Variants in MEMO1 observed in about 807,000 individuals in gnomAD.
The protein encoded by MEMO1 is protein MEMO1.
MEMO1 carries 6 observed loss-of-function variants against 45.2 expected under a neutral mutation model. The observed-to-expected ratio is 0.13, with a 90% CI of 0.07 to 0.26. The LOEUF (loss-of-function observed/expected upper bound fraction) is 0.26, where lower values mean the gene tolerates loss of function less well. Ranked by LOEUF, MEMO1 falls within the 10% of genes least tolerant of loss-of-function variation. The probability of loss-of-function intolerance (pLI) is 1.00; values close to 1 mark genes in which losing one functional copy is unlikely to be tolerated. For missense variants in MEMO1, 184 were observed against 370.5 expected (o/e 0.50, Z 4.13); for synonymous variants, 78 against 124.3 (o/e 0.63, Z 2.48).
chr2:31,904,247 G>C (rs938655381), intron 6 of MEMO1, among the ~76,000 whole-genome samples: 1 of 152,188 alleles, frequency 6.6e-6, no homozygotes, highest in Non-Finnish European at 1.5e-5. Flanking sequence ...TATTACTTAT[G>C]TTGATAAGGC....
rs1675298248 is a variant in MEMO1, at chr2:31,881,128, TTAGC to T, written c.657+2254_657+2257del. On this transcript the variant is annotated intron_variant, in intron 8 of 9. Transcript: ENST00000404530. ...GTAGGATCAACATCTACTGTACTCC[TTAGC>T]TAGGTAAGAATATAATTATATTTAA... is the stretch of plus-strand genomic sequence containing the variant. Among the ~76,000 whole-genome samples, 5 of 152,224 alleles carry T rather than the reference TTAGC, an allele frequency of 3.3e-5. No homozygotes were observed. In the South Asian group the frequency reaches 1.0e-3, roughly 32 times the overall value.
intron 8 of MEMO1, among the ~76,000 whole-genome samples, chr2:31,874,430 G>A (rs1415370056): frequency 1.3e-5 from 2 of 151,968 alleles, no homozygotes; most frequent in African/African-American, 2.4e-5. Flanking sequence ...TCGGTAGTTT[G>A]TTCTCCTATA....
At chr2:31,980,363 T>C (rs1231971887) in intron 2 of MEMO1, among the ~76,000 whole-genome samples, 1 of 151,964 alleles carries the variant, frequency 6.6e-6, no homozygotes, top group Admixed American at 6.6e-5. Flanking sequence ...AACCCAGGAG[T>C]TGGAGGCTGC....
intron 2 of MEMO1, among the ~76,000 whole-genome samples, chr2:31,990,486 C>T (rs1558559880): frequency 6.6e-6 from 1 of 150,860 alleles, no homozygotes; most frequent in Non-Finnish European, 1.5e-5. Flanking sequence ...AGGTCTGGCT[C>T]TGTCACCCAG....
chr2:31,993,522 G>A (rs1205655101), intron 2 of MEMO1, among the ~76,000 whole-genome samples: 1 of 152,194 alleles, frequency 6.6e-6, no homozygotes, highest in Non-Finnish European at 1.5e-5. Flanking sequence ...ACTGAAGTTT[G>A]AGAAGGCTAG....
At chr2:31,881,864 C>T (rs1675433495) in intron 8 of MEMO1, among the ~76,000 whole-genome samples, 1 of 152,128 alleles carries the variant, frequency 6.6e-6, no homozygotes, top group African/African-American at 2.4e-5. Flanking sequence ...AAGAAAAAAG[C>T]TGGGTGCGGT....
chr2:31,978,208 C>G (rs890195724), intron 2 of MEMO1, among the ~76,000 whole-genome samples: 2 of 151,870 alleles, frequency 1.3e-5, no homozygotes. Flanking sequence ...CCAACATGGT[C>G]AAACTCCATC....
At chr2:31,881,487 C>G (rs1175941487) in intron 8 of MEMO1, among the ~76,000 whole-genome samples, 1 of 112,592 alleles carries the variant, frequency 8.9e-6, no homozygotes, top group Non-Finnish European at 1.7e-5. Context: ...AGAGTGAGAG[C>G]CTGTCTTTAA....
intron 6 of MEMO1, among the ~76,000 whole-genome samples, chr2:31,900,879 A>C (rs1196275518): frequency 6.6e-6 from 1 of 152,156 alleles, no homozygotes; most frequent in East Asian, 1.9e-4. Context: ...GTCACTTTGG[A>C]AAACACTTTG....
chr2:31,978,929 A>T (rs1670324130), intron 2 of MEMO1, among the ~76,000 whole-genome samples: 1 of 152,172 alleles, frequency 6.6e-6, no homozygotes, highest in African/African-American at 2.4e-5. Flanking sequence ...ACATTTTCCC[A>T]GATTTTACCA....
chr2:31,951,917 T>C lies in MEMO1; in HGVS notation c.62-8534A>G, dbSNP rs921962070. The stretch of plus-strand genomic sequence containing the variant: ...CTAATGCTCTACTATGATCACACAC[T>C]TGGAATTTATTGCTATGCTTTTTAC... On this transcript the variant is annotated intron_variant, in intron 2 of 9. Coordinates refer to ENST00000404530, the MANE Select transcript of MEMO1 (RefSeq NM_001301833.4). Among the ~76,000 whole-genome samples, 6 of 152,250 alleles carry C rather than the reference T, an allele frequency of 3.9e-5. No homozygotes were observed. In the East Asian group the frequency reaches 1.2e-3, roughly 29 times the overall value.
At chr2:31,902,716 A>C (rs192718408) in intron 6 of MEMO1, among the ~76,000 whole-genome samples, 181 of 152,232 alleles carry the variant, frequency 1.2e-3, no homozygotes, top group Non-Finnish European at 2.2e-3. Flanking sequence ...GCTGAAATCC[A>C]AGAACCTCCC....
At chr2:31,943,225 A>G (rs994540724) in intron 3 of MEMO1, 77 bp downstream of exon 3, 1 of 1,056,418 alleles carries the variant, frequency 9.5e-7, no homozygotes, top group Non-Finnish European at 1.5e-6. Context: ...AGACCATGCC[A>G]CTGTACTTCA....
At chr2:31,876,325 C>G (rs1674559246) in intron 8 of MEMO1, among the ~76,000 whole-genome samples, 1 of 152,180 alleles carries the variant, frequency 6.6e-6, no homozygotes, top group African/African-American at 2.4e-5. Context: ...ATTCAGAACT[C>G]ACTTTAATTT....
chr2:31,989,313 G>A (rs1327755141), intron 2 of MEMO1, among the ~76,000 whole-genome samples: 1 of 151,576 alleles, frequency 6.6e-6, no homozygotes, highest in Non-Finnish European at 1.5e-5. Context: ...TTTAAGCTTC[G>A]AAAAAATTCG....
In MEMO1 at chr2:31,890,845, GT is replaced by G. The variant is rs1436363944; in HGVS notation, c.580+1146del. Among the ~76,000 whole-genome samples, 10 of 152,260 alleles carry G rather than the reference GT, an allele frequency of 6.6e-5. No individual in the cohort carries two copies. In the East Asian group the frequency reaches 1.7e-3, roughly 26 times the overall value. The stretch of plus-strand genomic sequence containing the variant: ...CCACCCTCCAAACCATATCCCAGTT[GT>G]GGTGATCAAAACTGTCTTCAGGAAT... On this transcript the variant is annotated intron_variant, in intron 7 of 9. Coordinates refer to ENST00000404530, the MANE Select transcript of MEMO1 (RefSeq NM_001301833.4).
intron 2 of MEMO1, among the ~76,000 whole-genome samples, chr2:32,002,278 C>A (rs979927541): frequency 1.4e-5 from 2 of 139,430 alleles, no homozygotes; most frequent in African/African-American, 5.4e-5. Context: ...CACATATATA[C>A]ATGTACATAT....
chr2:31,876,832 T>C (rs1244424060), intron 8 of MEMO1, among the ~76,000 whole-genome samples: 2 of 152,150 alleles, frequency 1.3e-5, no homozygotes, highest in Non-Finnish European at 2.9e-5. Flanking sequence ...CCATCATCAA[T>C]TTGTCTCCTA....
chr2:31,929,830 C>T (rs1214367644), intron 4 of MEMO1, among the ~76,000 whole-genome samples: 1 of 152,192 alleles, frequency 6.6e-6, no homozygotes, highest in African/African-American at 2.4e-5. Flanking sequence ...TTTCTCAAAG[C>T]ACTCTAAAGA....
Sources: allele counts gnomAD v4.1 joint callset (sites outside exome capture counted in the v4.1 genomes callset), GRCh38; gene constraint gnomAD v4.1.1; transcripts MANE v1.5; gene names NCBI Gene and HGNC (gene_info 2026-07-23, HGNC 2026-07-21).